DOCK4: variants seen among roughly 807,000 people sequenced by gnomAD.
DOCK4 encodes dedicator of cytokinesis 4.
A neutral mutation model predicts 268.1 loss-of-function variants in DOCK4; 97 were observed. That is an observed-to-expected ratio of 0.36 (90% CI 0.31 to 0.43). The LOEUF is 0.43. DOCK4 is among the 20% of genes least tolerant of loss of function. The pLI, the probability that DOCK4 is intolerant of heterozygous loss-of-function variation, is 1.00. For synonymous variants in DOCK4, 954 were observed against 887.2 expected (o/e 1.08, Z -1.34); for missense variants, 2,145 against 2,455.7 (o/e 0.87, Z 2.67).
At chr7:111,908,531 A>G (rs1791808325) in intron 13 of DOCK4, among the ~76,000 whole-genome samples, 1 of 151,948 alleles carries the variant, frequency 6.6e-6, no homozygotes, top group East Asian at 1.9e-4. Context: ...TTTATTTTTT[A>G]TATTTTTGTT....
At chr7:112,057,353 C>A (rs1224542454) in intron 1 of DOCK4, among the ~76,000 whole-genome samples, 5 of 151,958 alleles carry the variant, frequency 3.3e-5, no homozygotes, top group Non-Finnish European at 7.4e-5. Flanking sequence ...GAGTTTGAGA[C>A]CAGCCTAAGC....
In DOCK4 at chr7:111,790,437, T is replaced by A; in HGVS notation, c.3315+20A>T. 14 of 1,611,762 alleles carry A rather than the reference T, an allele frequency of 8.7e-6. No homozygotes were observed. Among genetic ancestry groups the A allele is most frequent in the Non-Finnish European group, 1.2e-5 (14 of 1,178,870 alleles). On this transcript the variant is annotated intron_variant, in intron 31 of 52. Transcript: ENST00000428084. ...AGAGCTGAAACTCTTCCAACTCTTCTGAGGAGCACTTCTGCCTACCTGTTT... is the reference window on the plus strand; with the variant it reads ...AGAGCTGAAACTCTTCCAACTCTTCAGAGGAGCACTTCTGCCTACCTGTTT...
At position 112,099,788 on chromosome 7, in the gene DOCK4, CT is replaced by C. The variant is rs1810511418; in HGVS notation, c.38-95658del. Reference sequence around the variant, plus strand: ...ATGACATAGAAGATAAAACTACCCCCTCCCTCATATTTATAAATATATTTGA... The same window carrying C: ...ATGACATAGAAGATAAAACTACCCCCCCCTCATATTTATAAATATATTTGA... On this transcript the variant is annotated intron_variant, in intron 1 of 52. Coordinates refer to ENST00000428084, the MANE Select transcript of DOCK4 (RefSeq NM_001363540.2). Among the ~76,000 whole-genome samples the C allele has an allele frequency of 2.0e-5, 3 of 152,278 alleles. No individual in the cohort carries two copies. The South Asian group carries it at 6.2e-4, about 32-fold the overall frequency.
chr7:112,105,713 G>T (rs1263868855), intron 1 of DOCK4, among the ~76,000 whole-genome samples: 25 of 135,468 alleles, frequency 1.8e-4, no homozygotes, highest in African/African-American at 6.8e-4. Context: ...CTTCGAGGCA[G>T]CGTCTCAGTC....
chr7:112,197,144 T>C (rs1187379273), intron 1 of DOCK4, among the ~76,000 whole-genome samples: 1 of 152,132 alleles, frequency 6.6e-6, no homozygotes, highest in African/African-American at 2.4e-5. Flanking sequence ...TATTGTTATT[T>C]CACTGATTAG....
chr7:112,185,855 G>A (rs1263975434), intron 1 of DOCK4, among the ~76,000 whole-genome samples: 1 of 152,104 alleles, frequency 6.6e-6, no homozygotes, highest in Non-Finnish European at 1.5e-5. Flanking sequence ...TAGATCAGCT[G>A]GCAACTACTG....
chr7:112,039,373 T>A (rs977779479), intron 1 of DOCK4, among the ~76,000 whole-genome samples: 6 of 122,318 alleles, frequency 4.9e-5, no homozygotes, highest in Non-Finnish European at 1.0e-4. Context: ...GGATTTCATA[T>A]GGGGGGGGGG....
Position 111,760,223 on chromosome 7 carries a change from C to T in DOCK4, c.4120G>A (p.Ala1374Thr), listed in dbSNP as rs754633947. ...EFPHAIAMQH[A>T]NQPDETIFQA... ...AAGATGGTCTCATCGGGCTGGTTGGCGTGCTGCATGGCGATGGCATGGGGG... is the reference window on the plus strand; with the variant it reads ...AAGATGGTCTCATCGGGCTGGTTGGTGTGCTGCATGGCGATGGCATGGGGG... Residue 1374 changes from alanine to threonine, a missense_variant, in exon 40 of 53, where the codon GCC becomes ACC. By Grantham distance (58) the Ala-to-Thr change is moderately conservative. Coordinates refer to ENST00000428084, the MANE Select transcript of DOCK4 (RefSeq NM_001363540.2). The T allele has an allele frequency of 1.2e-6, 2 of 1,613,960 alleles. No individual in the cohort carries two copies. The highest frequency in any genetic ancestry group is 8.5e-7 in the Non-Finnish European group (1 of 1,179,890).
At position 111,732,282 on chromosome 7, in the gene DOCK4, G is replaced by A. The variant is rs1367055121; in HGVS notation, c.5425C>T (p.Pro1809Ser). ...GATACTGATGTCGTGTGTCTTGCTGGTGAAGCTGTCAATGGGGAGAGAGAT... is the reference window on the plus strand; with the variant it reads ...GATACTGATGTCGTGTGTCTTGCTGATGAAGCTGTCAATGGGGAGAGAGAT... ...VPPRPTQTASPARHTTSVSPS... is the reference protein window; with the variant it reads ...VPPRPTQTASSARHTTSVSPS... Residue 1809 changes from proline to serine, a missense_variant, in exon 52 of 53, where the codon CCA becomes TCA. By Grantham distance (74) the Pro-to-Ser change is moderately conservative. Around this residue, in one of 2 missense-constraint regions of DOCK4, gnomAD observed 547 missense variants for 469.0 expected, o/e 1.17. Transcript: ENST00000428084. The A allele has an allele frequency of 6.2e-7, 1 of 1,613,990 alleles. No homozygotes were observed. Among genetic ancestry groups the A allele is most frequent in the Non-Finnish European group, 8.5e-7 (1 of 1,179,882 alleles).
chr7:111,962,341 C>T (rs991593478), intron 8 of DOCK4, among the ~76,000 whole-genome samples: 2 of 152,118 alleles, frequency 1.3e-5, no homozygotes, highest in African/African-American at 2.4e-5. Flanking sequence ...GATTTACTGA[C>T]CAATTATCAG....
intron 41 of DOCK4, among the ~76,000 whole-genome samples, chr7:111,758,198 C>T (rs1162213628): frequency 6.6e-6 from 1 of 152,194 alleles, no homozygotes; most frequent in Non-Finnish European, 1.5e-5. Flanking sequence ...TCTTCAGGAA[C>T]TCCTTTTCTC....
chr7:112,128,298 G>T (rs975917880), intron 1 of DOCK4, among the ~76,000 whole-genome samples: 7 of 151,326 alleles, frequency 4.6e-5, no homozygotes, highest in Admixed American at 1.3e-4. Context: ...GAGGTGGGGG[G>T]GGTCAGCCCC....
intron 1 of DOCK4, among the ~76,000 whole-genome samples, chr7:112,201,770 G>A (rs7802559): frequency 0.053 from 8,052 of 152,060 alleles, 733 homozygotes; most frequent in African/African-American, 0.18. Flanking sequence ...CATTCTGTGC[G>A]ATAGATCACT....
At chr7:112,079,189 A>G (rs1246048003) in intron 1 of DOCK4, among the ~76,000 whole-genome samples, 2 of 152,146 alleles carry the variant, frequency 1.3e-5, no homozygotes, top group Non-Finnish European at 2.9e-5. Flanking sequence ...AGGTAAAATG[A>G]GACAATTTCT....
At chr7:111,904,607 C>T (rs1265629050) in intron 13 of DOCK4, among the ~76,000 whole-genome samples, 3 of 152,100 alleles carry the variant, frequency 2.0e-5, no homozygotes, top group African/African-American at 7.2e-5. Flanking sequence ...GCTGAATTCT[C>T]CTATCTCTTC....
At chr7:111,796,884 T>C (rs1190380364) in intron 30 of DOCK4, among the ~76,000 whole-genome samples, 5 of 152,172 alleles carry the variant, frequency 3.3e-5, no homozygotes, top group Non-Finnish European at 7.4e-5. Context: ...TCCAGTTCCA[T>C]GGCTTGCAGC....
At chr7:112,191,180 TC>T (rs1819921418) in intron 1 of DOCK4, among the ~76,000 whole-genome samples, 1 of 152,216 alleles carries the variant, frequency 6.6e-6, no homozygotes, top group Admixed American at 6.5e-5. Context: ...AGCCTCAAAC[TC>T]CAGGGCTCAA....
intron 52 of DOCK4, 91 bp from the exon 53 acceptor site, chr7:111,728,811 G>C: frequency 7.7e-7 from 1 of 1,301,824 alleles, no homozygotes; most frequent in Non-Finnish European, 1.0e-6. Context: ...CGGAGGCCCC[G>C]GCCCCCAGCA....
intron 7 of DOCK4, among the ~76,000 whole-genome samples, chr7:111,982,915 A>G (rs371577795): frequency 5.3e-5 from 8 of 152,338 alleles, no homozygotes; most frequent in East Asian, 3.9e-4. Flanking sequence ...CAGACAAACT[A>G]TACGGATTAT....
Sources: allele counts gnomAD v4.1 joint callset (sites outside exome capture counted in the v4.1 genomes callset), GRCh38; gene constraint gnomAD v4.1.1; regional missense constraint gnomAD v4.1.1; transcripts MANE v1.5; gene names NCBI Gene and HGNC (gene_info 2026-07-23, HGNC 2026-07-21).